FAM117B: variants seen among roughly 807,000 people sequenced by gnomAD.
The protein encoded by FAM117B is family with sequence similarity 117 member B.
FAM117B carries 22 observed loss-of-function variants against 52.8 expected under a neutral mutation model. The observed-to-expected ratio is 0.42, with a 90% confidence interval of 0.30 to 0.59. The LOEUF is 0.59. Among genes scored for constraint, FAM117B ranks in the 20% least tolerant of loss-of-function variants. The probability of loss-of-function intolerance (pLI) is 0.22; values close to 1 mark genes in which losing one functional copy is unlikely to be tolerated. For synonymous variants in FAM117B, 309 were observed against 324.1 expected (o/e 0.95, Z 0.50); for missense variants, 678 against 802.6 (o/e 0.84, Z 1.88).
At chr2:202,699,801 A>G (rs146740965) in intron 2 of FAM117B, among the ~76,000 whole-genome samples, 1 of 152,298 alleles carries the variant, frequency 6.6e-6, no homozygotes, top group African/African-American at 2.4e-5. Flanking sequence ...TTTTTTACAA[A>G]TTGAAGGTTT....
At chr2:202,680,480 A>G (rs528533933) in intron 1 of FAM117B, among the ~76,000 whole-genome samples, 1 of 152,320 alleles carries the variant, frequency 6.6e-6, no homozygotes, top group South Asian at 2.1e-4. Flanking sequence ...AACTACAATC[A>G]TGCAGCTCCA....
At chr2:202,738,858 A>G (rs1453264659) in intron 4 of FAM117B, among the ~76,000 whole-genome samples, 1 of 152,136 alleles carries the variant, frequency 6.6e-6, no homozygotes, top group Non-Finnish European at 1.5e-5. Context: ...AGTGCTACTT[A>G]CTCTATAAAA....
intron 4 of FAM117B, among the ~76,000 whole-genome samples, chr2:202,731,203 A>G (rs1691338982): frequency 6.6e-6 from 1 of 151,616 alleles, no homozygotes. Context: ...CATGAAGAAG[A>G]TGCTCAATAT....
chr2:202,673,444 T>TG (rs1690330852), intron 1 of FAM117B, among the ~76,000 whole-genome samples: 1 of 118,724 alleles, frequency 8.4e-6, no homozygotes, highest in Non-Finnish European at 1.7e-5. Flanking sequence ...TTTTTTTTTT[T>TG]TTTTTTTTTT....
chr2:202,755,280 A>G (rs1559116635), intron 4 of FAM117B, among the ~76,000 whole-genome samples: 3 of 152,198 alleles, frequency 2.0e-5, no homozygotes, highest in Admixed American at 1.3e-4. Context: ...TTCTTTTACT[A>G]TATTTATTTA....
intron 1 of FAM117B, among the ~76,000 whole-genome samples, chr2:202,654,058 T>TGA (rs1228924079): frequency 2.6e-5 from 3 of 113,368 alleles, no homozygotes; most frequent in Non-Finnish European, 5.4e-5. Context: ...GGGAAGAGAG[T>TGA]GAGTGAGAGA....
intron 1 of FAM117B, among the ~76,000 whole-genome samples, chr2:202,638,241 G>A (rs975059624): frequency 6.6e-6 from 1 of 152,190 alleles, no homozygotes; most frequent in Non-Finnish European, 1.5e-5. Flanking sequence ...TCTGGAGCCA[G>A]CATAGTGCAT....
At chr2:202,720,414 TGTGTGTGTGTGTGC>T (rs1292401560) in intron 2 of FAM117B, among the ~76,000 whole-genome samples, 3 of 139,686 alleles carry the variant, frequency 2.1e-5, no homozygotes, top group Non-Finnish European at 3.2e-5. Flanking sequence ...TGTGTGTGTG[TGTGTGTGTGTGTGC>T]GCTGCAATTT....
At chr2:202,728,570 C>T (rs1691293021) in intron 4 of FAM117B, among the ~76,000 whole-genome samples, 1 of 152,142 alleles carries the variant, frequency 6.6e-6, no homozygotes, top group Admixed American at 6.6e-5. Flanking sequence ...TCCTCTCATT[C>T]ATTCATAAAT....
At chr2:202,733,750 C>T (rs1356840420) in intron 4 of FAM117B, among the ~76,000 whole-genome samples, 1 of 151,596 alleles carries the variant, frequency 6.6e-6, no homozygotes, top group Non-Finnish European at 1.5e-5. Flanking sequence ...ATATTGTTCA[C>T]CCATGTTTTA....
intron 2 of FAM117B, among the ~76,000 whole-genome samples, chr2:202,719,688 A>G (rs1486614780): frequency 6.6e-6 from 1 of 152,118 alleles, no homozygotes; most frequent in African/African-American, 2.4e-5. Flanking sequence ...TTATATTCCA[A>G]ATTTTTCAGT....
intron 2 of FAM117B, among the ~76,000 whole-genome samples, chr2:202,705,032 C>T (rs1042229671): frequency 1.2e-4 from 18 of 151,988 alleles, no homozygotes; most frequent in Admixed American, 7.2e-4. Context: ...GAGGGCCGGG[C>T]GCAGTGGCTG....
At chr2:202,661,611 A>G (rs1203976609) in intron 1 of FAM117B, among the ~76,000 whole-genome samples, 3 of 152,126 alleles carry the variant, frequency 2.0e-5, no homozygotes, top group Non-Finnish European at 4.4e-5. Flanking sequence ...TGAGTCAGCT[A>G]ACATTAAAAA....
At chr2:202,714,421 G>C (rs891093470) in intron 2 of FAM117B, among the ~76,000 whole-genome samples, 1 of 151,056 alleles carries the variant, frequency 6.6e-6, no homozygotes, top group Non-Finnish European at 1.5e-5. Flanking sequence ...GTCTCCAGCT[G>C]TTATTGTATT....
intron 1 of FAM117B, among the ~76,000 whole-genome samples, chr2:202,657,263 G>A (rs1478940626): frequency 1.3e-5 from 2 of 151,806 alleles, no homozygotes; most frequent in Non-Finnish European, 2.9e-5. Flanking sequence ...AGTTTTTGTA[G>A]TATTAGTAGA....
intron 2 of FAM117B, among the ~76,000 whole-genome samples, chr2:202,714,543 T>TC (rs1553521234): frequency 2.1e-5 from 3 of 145,846 alleles, no homozygotes; most frequent in African/African-American, 7.8e-5. Context: ...CTTTTTTTTT[T>TC]TTTTTTTATT....
chr2:202,716,568 G>T (rs1210448255), intron 2 of FAM117B, among the ~76,000 whole-genome samples: 2 of 151,642 alleles, frequency 1.3e-5, no homozygotes, highest in Non-Finnish European at 2.9e-5. Context: ...TTGATTTGAG[G>T]TTACTACAAG....
At chr2:202,715,432 AC>A (rs1439872281) in intron 2 of FAM117B, among the ~76,000 whole-genome samples, 1 of 141,708 alleles carries the variant, frequency 7.1e-6, no homozygotes, top group Non-Finnish European at 1.5e-5. Context: ...GACGCTCCTC[AC>A]CTCCCAGACG....
intron 1 of FAM117B, among the ~76,000 whole-genome samples, chr2:202,687,300 T>C (rs1434967720): frequency 6.6e-6 from 1 of 152,198 alleles, no homozygotes; most frequent in African/African-American, 2.4e-5. Context: ...AGTGGAGAGA[T>C]TGACTTCAAA....
Sources: gnomAD v4.1 joint callset for allele counts (sites outside exome capture counted in the v4.1 genomes callset) on GRCh38, gnomAD v4.1.1 for gene constraint, MANE v1.5 for transcripts, NCBI Gene and HGNC (gene_info 2026-07-23, HGNC 2026-07-21) for gene names.